Variants in PECR observed in about 807,000 individuals in gnomAD.
The protein encoded by PECR is 2,4-dienoyl-CoA reductase-related protein.
Under a neutral mutation model 35.3 loss-of-function variants are expected in PECR, and 30 were observed. That is an observed-to-expected ratio of 0.85 (90% CI 0.64 to 1.15). The LOEUF is 1.15. PECR is among the 50% of genes most tolerant of loss of function. The probability of loss-of-function intolerance (pLI) is 0.00; values close to 1 mark genes in which losing one functional copy is unlikely to be tolerated. For missense variants in PECR, 392 were observed against 370.8 expected (o/e 1.06, Z -0.47); for synonymous variants, 148 against 138.9 (o/e 1.07, Z -0.46).
Position 216,073,710 on chromosome 2 carries a change from A to G in PECR, c.125-7192T>C, listed in dbSNP as rs138268567. Among the ~76,000 whole-genome samples the G allele has an allele frequency of 4.5e-3, 681 of 152,216 alleles. 8 individuals carry two copies. Among genetic ancestry groups the G allele is most frequent in the African/African-American group, 0.015 (639 of 41,512 alleles). On this transcript the variant is annotated intron_variant, in intron 1 of 7. Transcript: ENST00000265322. The stretch of plus-strand genomic sequence containing the variant: ...TTGTATGTTTAGATATGTTTAGACC[A>G]CAGATATTTACCTTTGTGTTACTAT...
chr2:216,071,913 A>G (rs1695596571), intron 1 of PECR, among the ~76,000 whole-genome samples: 1 of 152,166 alleles, frequency 6.6e-6, no homozygotes, highest in African/African-American at 2.4e-5. Flanking sequence ...TCATGAAATA[A>G]TTGTACTTTT....
At chr2:216,072,773 T>C (rs1350914255) in intron 1 of PECR, among the ~76,000 whole-genome samples, 1 of 152,250 alleles carries the variant, frequency 6.6e-6, no homozygotes, top group Non-Finnish European at 1.5e-5. Context: ...CATCCACTGA[T>C]GGACACTTAG....
chr2:216,078,043 A>G (rs941970704), intron 1 of PECR, among the ~76,000 whole-genome samples: 3 of 151,724 alleles, frequency 2.0e-5, no homozygotes, highest in African/African-American at 7.3e-5. Flanking sequence ...AAGCAAAAAT[A>G]TCATCATTTT....
At chr2:216,076,582 T>A (rs1559220356) in intron 1 of PECR, among the ~76,000 whole-genome samples, 1 of 152,098 alleles carries the variant, frequency 6.6e-6, no homozygotes, top group Non-Finnish European at 1.5e-5. Flanking sequence ...GGCAGATAAC[T>A]TGAGGTCAGG....
At chr2:216,051,271 G>C (rs1695108542) in intron 5 of PECR, among the ~76,000 whole-genome samples, 178 bp downstream of exon 5, 2 of 105,304 alleles carry the variant, frequency 1.9e-5, no homozygotes, top group South Asian at 3.4e-4. Flanking sequence ...GGGCGACAGA[G>C]ACTCCATCTC....
At chr2:216,078,721 T>G (rs58652820) in intron 1 of PECR, among the ~76,000 whole-genome samples, 5,855 of 152,306 alleles carry the variant, frequency 0.038, 402 homozygotes, top group African/African-American at 0.13. Context: ...GCCACCACTT[T>G]CATCAGAATC....
intron 6 of PECR, among the ~76,000 whole-genome samples, chr2:216,047,982 G>C (rs1448219877): frequency 3.2e-5 from 4 of 126,940 alleles, no homozygotes; most frequent in Non-Finnish European, 6.9e-5. Context: ...GGAGGCAGGT[G>C]ATTTTTTTTT....
intron 1 of PECR, among the ~76,000 whole-genome samples, chr2:216,080,317 C>T (rs1190162533): frequency 1.3e-5 from 2 of 152,210 alleles, no homozygotes; most frequent in African/African-American, 2.4e-5. Context: ...CTCAGGTTAT[C>T]TGCCCGCCTC....
At position 216,065,451 on chromosome 2, in the gene PECR, TA is replaced by T. The variant is rs1695445875; in HGVS notation, c.284del (p.Leu95Ter). 3.1e-6 allele frequency: 5 copies of T among 1,607,072 alleles called. No homozygotes were observed. The South Asian group carries it at 5.5e-5, about 18-fold the overall frequency. On this transcript the variant is annotated frameshift_variant, in exon 3 of 8. Transcript: ENST00000265322. LOFTEE classifies it high-confidence loss of function. ...AGAAATTGATCTTACCAAAAGTATCTAAGGTAGATTTGACCAAATTATTCAC... is the reference window on the plus strand; with the variant it reads ...AGAAATTGATCTTACCAAAAGTATCTAGGTAGATTTGACCAAATTATTCAC... ...EEVNNLVKST[L>X]DTFGKINFLV...
intron 3 of PECR, among the ~76,000 whole-genome samples, chr2:216,059,178 C>T (rs777860455): frequency 9.2e-5 from 14 of 152,130 alleles, no homozygotes; most frequent in Non-Finnish European, 1.9e-4. Flanking sequence ...AATAAATATA[C>T]GGAGTTATGC....
At chr2:216,058,094 G>C (rs532096278) in intron 4 of PECR, 1 of 152,166 alleles carries the variant, frequency 6.6e-6, no homozygotes, top group African/African-American at 2.4e-5. Flanking sequence ...TGCCCTTTCC[G>C]CAGTGGCTCT....
Position 216,065,570 on chromosome 2 carries a change from T to C in PECR, c.259-93A>G. 8 of 777,608 alleles carry C rather than the reference T, an allele frequency of 1.0e-5. No homozygotes were observed. In the South Asian group the frequency reaches 1.1e-4, roughly 11 times the overall value. The allele number at this position is 777,608 out of a possible 1,614,324, so 48.2% of individuals were successfully genotyped here. A position where few individuals can be genotyped will look rare whatever the true frequency, so the allele number is the denominator to read the frequency against. ...TGATTGCTCTAGACAGAGTTTGCAA[T>C]CTCTCACAGTGAACAGTCACTCCAA... On this transcript the variant is annotated intron_variant, in intron 2 of 7. Transcript: ENST00000265322.
At chr2:216,079,167 T>A (rs1695772470) in intron 1 of PECR, among the ~76,000 whole-genome samples, 1 of 150,956 alleles carries the variant, frequency 6.6e-6, no homozygotes, top group Non-Finnish European at 1.5e-5. Context: ...TTTTTTTTTT[T>A]AACTAAAAAC....
chr2:216,039,874 T>G (rs116444075), intron 7 of PECR, among the ~76,000 whole-genome samples: 4,338 of 152,322 alleles, frequency 0.028, 80 homozygotes, highest in Non-Finnish European at 0.043. Context: ...GTCAGTGCAC[T>G]ATAACCCCGC....
chr2:216,069,370 A>T lies in PECR; in HGVS notation c.125-2852T>A, dbSNP rs538982406. Among the ~76,000 whole-genome samples, 11 of 152,348 alleles carry T rather than the reference A, an allele frequency of 7.2e-5. No homozygotes were observed. The East Asian group carries it at 2.1e-3, about 29-fold the overall frequency. On this transcript the variant is annotated intron_variant, in intron 1 of 7. Transcript: ENST00000265322. Reference sequence around the variant, plus strand: ...GGTCTTTCAACAAGAAACCCAAGTGACATTTTATAAAAACACATGATCTAA... The same window carrying T: ...GGTCTTTCAACAAGAAACCCAAGTGTCATTTTATAAAAACACATGATCTAA...
downstream of PECR, among the ~76,000 whole-genome samples, chr2:216,034,739 C>G (rs1694766746): frequency 6.6e-6 from 1 of 152,128 alleles, no homozygotes; most frequent in Non-Finnish European, 1.5e-5. Flanking sequence ...TACGGATGAG[C>G]CCAGGGGAGT....
rs181847115 is a variant in PECR, at chr2:216,072,761, A to G, written c.125-6243T>C. Among the ~76,000 whole-genome samples the G allele has an allele frequency of 1.7e-3, 263 of 152,298 alleles. 2 individuals are homozygous for G. The highest frequency in any genetic ancestry group is 5.8e-3 in the African/African-American group (239 of 41,562). ...ATATATAACATATTTTCTTTATCCA[A>G]TCATCCACTGATGGACACTTAGGTT... On this transcript the variant is annotated intron_variant, in intron 1 of 7. Transcript: ENST00000265322.
Position 216,048,318 on chromosome 2 carries a change from G to A in PECR, c.714+945C>T, listed in dbSNP as rs1179233059. Among the ~76,000 whole-genome samples, 4 of 148,614 alleles carry A rather than the reference G, an allele frequency of 2.7e-5. 1 individual carries two copies. The highest frequency in any genetic ancestry group is 4.4e-5 in the Non-Finnish European group (3 of 67,596). ...TCTCGATCTTCTGAACTCGTGATCCGCCTGCCTCGGCCTCCCAAAGTGCTG... is the reference window on the plus strand; with the variant it reads ...TCTCGATCTTCTGAACTCGTGATCCACCTGCCTCGGCCTCCCAAAGTGCTG... On this transcript the variant is annotated intron_variant, in intron 6 of 7. Coordinates refer to ENST00000265322, the MANE Select transcript of PECR (RefSeq NM_018441.6).
chr2:216,041,477 G>C (rs1165476956), intron 7 of PECR, among the ~76,000 whole-genome samples: 1 of 152,144 alleles, frequency 6.6e-6, no homozygotes, highest in African/African-American at 2.4e-5. Context: ...AATACATGTG[G>C]GAGGGGAAAA....
Sources: gnomAD v4.1 joint callset for allele counts (sites outside exome capture counted in the v4.1 genomes callset) on GRCh38, gnomAD v4.1.1 for gene constraint, MANE v1.5 for transcripts, NCBI Gene and HGNC (gene_info 2026-07-23, HGNC 2026-07-21) for gene names.